The following PHACTR2 variants were observed in gnomAD, a reference collection of about 807,000 sequenced individuals.
The protein encoded by PHACTR2 is chromosome 6 open reading frame 56.
In PHACTR2, 30 loss-of-function variants were observed where a neutral mutation model predicts 76.0. The ratio of observed to expected loss-of-function variants is 0.39; its 90% confidence interval spans 0.30 to 0.54. The LOEUF (loss-of-function observed/expected upper bound fraction) is 0.54, where lower values mean the gene tolerates loss of function less well. Among genes scored for constraint, PHACTR2 ranks in the 20% least tolerant of loss-of-function variants. PHACTR2 has a pLI of 0.61. For missense variants in PHACTR2, 696 were observed against 781.1 expected (o/e 0.89, Z 1.30); for synonymous variants, 292 against 292.5 (o/e 1.00, Z 0.02).
At chr6:143,740,508 TAAAAAAA>T (rs10638908) in intron 2 of PHACTR2, among the ~76,000 whole-genome samples, 1 of 128,688 alleles carries the variant, frequency 7.8e-6, no homozygotes, top group Non-Finnish European at 1.6e-5. Context: ...TCCTTTTAAT[TAAAAAAA>T]AAAAAAAAGG....
Position 143,816,919 on chromosome 6 carries a change from A to T in PHACTR2, c.1923-6755A>T, listed in dbSNP as rs1776307976. 6.6e-6 allele frequency among the ~76,000 whole-genome samples: 1 copy of T among 151,966 alleles called. No homozygotes were observed. The highest frequency in any genetic ancestry group is 2.4e-5 in the African/African-American group (1 of 41,390). On this transcript the variant is annotated intron_variant, in intron 12 of 12. Transcript: ENST00000440869. This position sits in a 1 kb window ranked among gnomAD's most constrained non-coding sequence, Gnocchi z 4.5. Reference sequence around the variant, plus strand: ...TGTCTCTACAAAAAATACAAAAATTAGCCAAGTGTGGTGGCGAGTGCCTGT... The same window carrying T: ...TGTCTCTACAAAAAATACAAAAATTTGCCAAGTGTGGTGGCGAGTGCCTGT...
chr6:143,613,812 T>G (rs776934825), intron 1 of PHACTR2, among the ~76,000 whole-genome samples: 17 of 152,198 alleles, frequency 1.1e-4, no homozygotes, highest in Non-Finnish European at 2.2e-4. Context: ...CCATATTAAT[T>G]CCACAGGTTA....
At chr6:143,718,870 G>T (rs574710669) in intron 2 of PHACTR2, among the ~76,000 whole-genome samples, 3 of 150,798 alleles carry the variant, frequency 2.0e-5, no homozygotes, top group African/African-American at 7.3e-5. Flanking sequence ...TGGAAAGTTG[G>T]AAGTGTTTTT....
chr6:143,668,898 C>A (rs1777095706), intron 1 of PHACTR2, among the ~76,000 whole-genome samples: 1 of 151,986 alleles, frequency 6.6e-6, no homozygotes, highest in Non-Finnish European at 1.5e-5. Flanking sequence ...TTAGTTATTT[C>A]TTGTTTTCTG....
chr6:143,789,123 C>CATA lies in PHACTR2; in HGVS notation c.1845+214_1845+216dup. 1 of 417,764 alleles carries CATA rather than the reference C, an allele frequency of 2.4e-6. No individual in the cohort carries two copies. The highest frequency in any genetic ancestry group is 5.6e-5 in the South Asian group (1 of 17,842). 25.9% of individuals were successfully genotyped at this position (417,764 alleles called of 1,614,324 possible). A position where few individuals can be genotyped will look rare whatever the true frequency, so the allele number is the denominator to read the frequency against. ...GTCTCAGAGAAAAGTAGTTATTTAC[C>CATA]ATATAACCTACCTGCTTTCATACCT... is the stretch of plus-strand genomic sequence containing the variant. On this transcript the variant is annotated intron_variant, in intron 11 of 12. Coordinates refer to ENST00000440869, the MANE Select transcript of PHACTR2 (RefSeq NM_001100164.2). This position sits in a 1 kb window ranked among gnomAD's most constrained non-coding sequence, Gnocchi z 5.1.
rs1775705035 is a variant in PHACTR2, at chr6:143,592,707, C to T, written c.217+55500C>T. Among the ~76,000 whole-genome samples the T allele has an allele frequency of 6.6e-6, 1 of 152,098 alleles. No homozygotes were observed. The highest frequency in any genetic ancestry group is 6.5e-5 in the Admixed American group (1 of 15,284). Reference sequence around the variant, plus strand: ...TTAGACTTGGGTTCCATCCCCAGTTCATTCCATATTCATTGTCTACATTAC... The same window carrying T: ...TTAGACTTGGGTTCCATCCCCAGTTTATTCCATATTCATTGTCTACATTAC... On this transcript the variant is annotated intron_variant, in intron 1 of 11. Coordinates refer to the PHACTR2 transcript ENST00000367584. The surrounding 1 kb of genome is among the most constrained non-coding windows in gnomAD (Gnocchi z 4.0).
rs529630081 is a variant in PHACTR2, at chr6:143,700,092, G to A, written c.47-11924G>A. Among the ~76,000 whole-genome samples the A allele has an allele frequency of 2.6e-5, 4 of 152,290 alleles. No homozygotes were observed. The highest frequency in any genetic ancestry group is 9.6e-5 in the African/African-American group (4 of 41,560). On this transcript the variant is annotated intron_variant, in intron 1 of 12. Transcript: ENST00000440869. The surrounding 1 kb of genome is among the most constrained non-coding windows in gnomAD (Gnocchi z 4.1). ...GCTCTTGGACATAGAGAGAACGTTA[G>A]TCACATTATATATATTCTCTGGGCT...
chr6:143,573,937 A>G (rs974956632), intron 1 of PHACTR2, among the ~76,000 whole-genome samples: 5 of 152,186 alleles, frequency 3.3e-5, no homozygotes, highest in African/African-American at 1.2e-4. Flanking sequence ...TGCATAGCAA[A>G]TTACCACAAT....
At chr6:143,736,546 C>G (rs1374619982) in intron 2 of PHACTR2, among the ~76,000 whole-genome samples, 2 of 145,964 alleles carry the variant, frequency 1.4e-5, no homozygotes, top group African/African-American at 5.1e-5. Context: ...TATGCCAAAC[C>G]CTTTACAATT....
At chr6:143,718,412 A>G (rs1455824118) in intron 2 of PHACTR2, among the ~76,000 whole-genome samples, 1 of 152,222 alleles carries the variant, frequency 6.6e-6, no homozygotes, top group East Asian at 1.9e-4. Flanking sequence ...GGCAAAGGCA[A>G]TATTTGAACC....
At chr6:143,604,412 G>GTC (rs1337348857), upstream of PHACTR2, among the ~76,000 whole-genome samples, 1 of 152,138 alleles carries the variant, frequency 6.6e-6, no homozygotes, top group Non-Finnish European at 1.5e-5. Context: ...TGATTTTGGA[G>GTC]TCTCTCTGCC....
In PHACTR2 at chr6:143,698,026, A is replaced by C. The variant is rs1777811235; in HGVS notation, c.47-13990A>C. 6.6e-6 allele frequency among the ~76,000 whole-genome samples: 1 copy of C among 152,194 alleles called. No individual in the cohort carries two copies. Among genetic ancestry groups the C allele is most frequent in the South Asian group, 2.1e-4 (1 of 4,832 alleles). ...TTTCTGAAAACATTGGTGAATTGCA[A>C]CTGGCTATTCTGAGGTTCTGTTACG... On this transcript the variant is annotated intron_variant, in intron 1 of 12. Transcript: ENST00000440869. This position sits in a 1 kb window ranked among gnomAD's most constrained non-coding sequence, Gnocchi z 4.3.
At chr6:143,778,953 C>G (rs970690231) in intron 9 of PHACTR2, among the ~76,000 whole-genome samples, 1 of 152,144 alleles carries the variant, frequency 6.6e-6, no homozygotes, top group Non-Finnish European at 1.5e-5. Context: ...ATCCCATTTT[C>G]CTGGAGGTTT....
In PHACTR2 at chr6:143,619,171, T is replaced by C. The variant is rs980032072; in HGVS notation, c.13+10849T>C. 6.6e-6 allele frequency among the ~76,000 whole-genome samples: 1 copy of C among 151,358 alleles called. No individual in the cohort carries two copies. Among genetic ancestry groups the C allele is most frequent in the South Asian group, 2.1e-4 (1 of 4,776 alleles). ...TCCTGCCTGTCTGTCTGTCCATCCA[T>C]CCATCCATCTACCTGCATGCTTACC... is the stretch of plus-strand genomic sequence containing the variant. On this transcript the variant is annotated intron_variant, in intron 1 of 11. Coordinates refer to the PHACTR2 transcript ENST00000305766. This position sits in a 1 kb window ranked among gnomAD's most constrained non-coding sequence, Gnocchi z 4.5.
Position 143,791,172 on chromosome 6 carries a change from G to A in PHACTR2, c.1845+2262G>A, listed in dbSNP as rs770958654. On this transcript the variant is annotated intron_variant, in intron 11 of 12. Coordinates refer to ENST00000440869, the MANE Select transcript of PHACTR2 (RefSeq NM_001100164.2). This position sits in a 1 kb window ranked among gnomAD's most constrained non-coding sequence, Gnocchi z 4.7. ...TACCTGGAGTTGTTTTTTGGGGGAA[G>A]GTATAAGATATGCTTTCAGTTTGCT... Among the ~76,000 whole-genome samples the A allele has an allele frequency of 1.2e-4, 18 of 152,088 alleles. No homozygotes were observed. The highest frequency in any genetic ancestry group is 1.9e-4 in the Non-Finnish European group (13 of 68,006).
In PHACTR2 at chr6:143,788,772, G is replaced by T; in HGVS notation, c.1708-1G>T. On this transcript the variant is annotated splice_acceptor_variant, in intron 10 of 12. Coordinates refer to ENST00000440869, the MANE Select transcript of PHACTR2 (RefSeq NM_001100164.2). LOFTEE classifies it high-confidence loss of function. ...CTGCCTTTTTCCTTGTCCTCCTGCA[G>T]CTCAGCCTGAGACCCACAGTGGCAG... 1.9e-6 allele frequency: 3 copies of T among 1,607,714 alleles called. No individual in the cohort carries two copies. Among genetic ancestry groups the T allele is most frequent in the Non-Finnish European group, 2.6e-6 (3 of 1,175,436 alleles).
At chr6:143,538,113 C>CACAG (rs1554286088) in intron 1 of PHACTR2, among the ~76,000 whole-genome samples, 1 of 151,566 alleles carries the variant, frequency 6.6e-6, no homozygotes, top group African/African-American at 2.4e-5. Flanking sequence ...CACACACACA[C>CACAG]AAACACACAA....
intron 12 of PHACTR2, among the ~76,000 whole-genome samples, chr6:143,810,294 C>T (rs1776148650): frequency 6.6e-6 from 1 of 152,094 alleles, no homozygotes; most frequent in South Asian, 2.1e-4. Flanking sequence ...TCTTTGTGCA[C>T]ACATGCCAGT....
Position 143,662,815 on chromosome 6 carries a change from C to T in PHACTR2, c.14-49201C>T, listed in dbSNP as rs1776967025. On this transcript the variant is annotated intron_variant, in intron 1 of 11. Coordinates refer to the PHACTR2 transcript ENST00000305766. This position sits in a 1 kb window ranked among gnomAD's most constrained non-coding sequence, Gnocchi z 4.7. ...ACTGTTATATGGGTGTATATTGCAC[C>T]CAGACAGTGAGCAGAGTACCCAATA... Among the ~76,000 whole-genome samples, 1 of 151,904 alleles carries T rather than the reference C, an allele frequency of 6.6e-6. No individual in the cohort carries two copies. The highest frequency in any genetic ancestry group is 1.5e-5 in the Non-Finnish European group (1 of 67,996).
Sources: allele counts gnomAD v4.1 joint callset (sites outside exome capture counted in the v4.1 genomes callset), GRCh38; gene constraint gnomAD v4.1.1; non-coding constraint Gnocchi (gnomAD v3.1); transcripts MANE v1.5; gene names NCBI Gene and HGNC (gene_info 2026-07-23, HGNC 2026-07-21).